The following ERBB4 variants were observed in gnomAD, a reference collection of about 807,000 sequenced individuals.
The protein encoded by ERBB4 is erb-b2 receptor tyrosine kinase 4, also known as receptor tyrosine-protein kinase erbB-4.
Under a neutral mutation model 158.0 loss-of-function variants are expected in ERBB4, and 42 were observed. The observed-to-expected ratio is 0.27, with a 90% CI of 0.21 to 0.34. The LOEUF is 0.34. ERBB4 is among the 10% of genes least tolerant of loss of function. ERBB4 has a pLI of 1.00. For synonymous variants in ERBB4, 583 were observed against 558.7 expected (o/e 1.04, Z -0.61); for missense variants, 1,333 against 1,624.1 (o/e 0.82, Z 3.08).
chr2:211,447,019 A>C (rs16846200), intron 20 of ERBB4, among the ~76,000 whole-genome samples: 24,312 of 152,090 alleles, frequency 0.16, 2,225 homozygotes, highest in South Asian at 0.39. Flanking sequence ...ACAACAAAGC[A>C]ACATTCACAA....
At chr2:212,094,068 A>G (rs1428700860) in intron 2 of ERBB4, among the ~76,000 whole-genome samples, 3 of 151,904 alleles carry the variant, frequency 2.0e-5, no homozygotes, top group Non-Finnish European at 4.4e-5. Context: ...AGACCATAAT[A>G]TGGTTTGGAT....
chr2:211,952,068 G>C (rs1330766161), intron 2 of ERBB4, among the ~76,000 whole-genome samples: 1 of 151,970 alleles, frequency 6.6e-6, no homozygotes, highest in East Asian at 1.9e-4. Context: ...TTTATATGTA[G>C]AGGGACACAT....
chr2:211,713,616 G>A lies in ERBB4; in HGVS notation c.916C>T (p.Arg306Cys), dbSNP rs1216559792. ...TCCATCTTGGAACTAGGGCAGGCAC[G>A]CACACAAGAACTGGAATCTACCACA... is the stretch of plus-strand genomic sequence containing the variant. ...NFVVDSSSCVRACPSSKMEVE... is the reference protein window; with the variant it reads ...NFVVDSSSCVCACPSSKMEVE... Residue 306 changes from arginine to cysteine, a missense_variant, in exon 8 of 28, where the codon CGT (arginine) becomes TGT (cysteine). By Grantham distance (180) the Arg-to-Cys change is radical. Coordinates refer to ENST00000342788, the MANE Select transcript of ERBB4 (RefSeq NM_005235.3). 4.4e-6 allele frequency: 7 copies of A among 1,605,666 alleles called. No homozygotes were observed. Among genetic ancestry groups the A allele is most frequent in the Admixed American group, 1.7e-5 (1 of 59,414 alleles).
chr2:211,755,840 C>G (rs992502818), intron 4 of ERBB4, among the ~76,000 whole-genome samples: 4 of 152,154 alleles, frequency 2.6e-5, no homozygotes, highest in Non-Finnish European at 5.9e-5. Flanking sequence ...TATGCCAGGA[C>G]AGTTGAAGAG....
Position 212,262,564 on chromosome 2 carries a change from T to G in ERBB4, c.83-137661A>C, listed in dbSNP as rs538806151. Among the ~76,000 whole-genome samples, 207 of 152,206 alleles carry G rather than the reference T, an allele frequency of 1.4e-3. 5 individuals are homozygous for G. The highest frequency in any genetic ancestry group is 1.5e-3 in the Non-Finnish European group (100 of 68,038). Reference sequence around the variant, plus strand: ...TTACAATTATGTGAACCCATTGTTATGCTCCCTTCCAATGCTTTGAATAAA... The same window carrying G: ...TTACAATTATGTGAACCCATTGTTAGGCTCCCTTCCAATGCTTTGAATAAA... On this transcript the variant is annotated intron_variant, in intron 1 of 27. Transcript: ENST00000342788.
intron 19 of ERBB4, among the ~76,000 whole-genome samples, chr2:211,596,682 C>T (rs1829610): frequency 0.78 from 118,294 of 151,866 alleles, 48,548 homozygotes; most frequent in Non-Finnish European, 0.9. Context: ...GACTTTTTTT[C>T]CCCCCTCTGA....
At chr2:211,841,574 A>G (rs1028216577) in intron 3 of ERBB4, among the ~76,000 whole-genome samples, 2 of 151,990 alleles carry the variant, frequency 1.3e-5, no homozygotes, top group African/African-American at 2.4e-5. Context: ...GATATTTTGA[A>G]AATGTGTTAT....
At position 211,580,801 on chromosome 2, in the gene ERBB4, T is replaced by TAG. The variant is rs1330531269; in HGVS notation, c.2302-18714_2302-18713insCT. Among the ~76,000 whole-genome samples the TAG allele has an allele frequency of 4.2e-3, 119 of 28,464 alleles. 6 individuals are homozygous for TAG. Among genetic ancestry groups the TAG allele is most frequent in the African/African-American group, 0.014 (115 of 8,496 alleles). 18.7% of individuals were successfully genotyped at this position (28,464 alleles called of 152,430 possible). On this transcript the variant is annotated intron_variant, in intron 19 of 27. Coordinates refer to ENST00000342788, the MANE Select transcript of ERBB4 (RefSeq NM_005235.3). ...AAAGAAATTGTGATATATATATATA[T>TAG]ATATATATATAATATATATATATTA...
At chr2:212,000,231 C>T (rs938513852) in intron 2 of ERBB4, among the ~76,000 whole-genome samples, 4 of 151,860 alleles carry the variant, frequency 2.6e-5, no homozygotes, top group East Asian at 1.9e-4. Flanking sequence ...TAAGACTAAT[C>T]CTCAGATAAT....
intron 2 of ERBB4, among the ~76,000 whole-genome samples, chr2:212,045,314 C>T (rs776682773): frequency 1.8e-4 from 27 of 152,028 alleles, no homozygotes; most frequent in Non-Finnish European, 3.2e-4. Flanking sequence ...CAAAAATTAG[C>T]CAGACATGTG....
intron 20 of ERBB4, among the ~76,000 whole-genome samples, chr2:211,456,690 G>A (rs1171078935): frequency 1.3e-5 from 2 of 152,120 alleles, no homozygotes; most frequent in Admixed American, 1.3e-4. Flanking sequence ...GATGTGGGAG[G>A]AGGGGAGAGG....
chr2:212,435,244 G>A (rs1398347611), intron 1 of ERBB4, among the ~76,000 whole-genome samples: 1 of 151,898 alleles, frequency 6.6e-6, no homozygotes, highest in Non-Finnish European at 1.5e-5. Context: ...TAATCCCCAG[G>A]AGAAACCTTC....
chr2:212,156,451 T>C (rs1192109807), intron 1 of ERBB4, among the ~76,000 whole-genome samples: 1 of 152,120 alleles, frequency 6.6e-6, no homozygotes, highest in Non-Finnish European at 1.5e-5. Flanking sequence ...CTCCAAATTG[T>C]ATCAGTCAGC....
intron 1 of ERBB4, among the ~76,000 whole-genome samples, chr2:212,316,754 T>C (rs953317962): frequency 6.6e-6 from 1 of 151,480 alleles, no homozygotes; most frequent in Non-Finnish European, 1.5e-5. Flanking sequence ...TAAAAAACAC[T>C]TGCTTGTGAT....
chr2:212,209,121 A>G (rs2082854209), intron 1 of ERBB4, among the ~76,000 whole-genome samples: 2 of 152,132 alleles, frequency 1.3e-5, no homozygotes, highest in African/African-American at 4.8e-5. Context: ...ATTTCTTCAC[A>G]TGCAGACTCA....
chr2:211,638,272 A>C (rs1396738630), intron 16 of ERBB4, among the ~76,000 whole-genome samples: 1 of 152,098 alleles, frequency 6.6e-6, no homozygotes, highest in African/African-American at 2.4e-5. Flanking sequence ...AGCCTTCCCC[A>C]AAACAGTTCA....
intron 1 of ERBB4, among the ~76,000 whole-genome samples, chr2:212,407,899 C>T (rs1431439637): frequency 6.6e-6 from 1 of 151,852 alleles, no homozygotes; most frequent in Non-Finnish European, 1.5e-5. Context: ...TTATGTACTA[C>T]TAGGTAGCTT....
At chr2:212,306,570 T>G (rs982765) in intron 1 of ERBB4, among the ~76,000 whole-genome samples, 117,432 of 151,232 alleles carry the variant, frequency 0.78, 48,109 homozygotes, top group Non-Finnish European at 0.9. Flanking sequence ...AATAAATTGC[T>G]CTAATTGCCA....
At chr2:211,442,987 C>G (rs1026402545) in intron 20 of ERBB4, among the ~76,000 whole-genome samples, 1 of 151,986 alleles carries the variant, frequency 6.6e-6, no homozygotes, top group Admixed American at 6.6e-5. Flanking sequence ...TTTGACCCTC[C>G]TCACATTTAC....
Sources: allele counts gnomAD v4.1 joint callset (sites outside exome capture counted in the v4.1 genomes callset), GRCh38; gene constraint gnomAD v4.1.1; transcripts MANE v1.5; gene names NCBI Gene and HGNC (gene_info 2026-07-23, HGNC 2026-07-21).